Variants in TNRC6B observed in about 807,000 individuals in gnomAD.
TNRC6B encodes the protein trinucleotide repeat-containing gene 6B protein.
Under a neutral mutation model 203.6 loss-of-function variants are expected in TNRC6B, and 52 were observed. The ratio of observed to expected loss-of-function variants is 0.26; its 90% CI spans 0.20 to 0.32. The LOEUF (loss-of-function observed/expected upper bound fraction) is 0.32. Among genes scored for constraint, TNRC6B ranks in the 10% least tolerant of loss-of-function variants. TNRC6B has a pLI of 1.00. For synonymous variants in TNRC6B, 838 were observed against 845.7 expected (o/e 0.99, Z 0.16); for missense variants, 1,923 against 2,286.2 (o/e 0.84, Z 3.24).
At chr22:40,208,434 C>A (rs1188770267) in intron 1 of TNRC6B, among the ~76,000 whole-genome samples, 1 of 152,110 alleles carries the variant, frequency 6.6e-6, no homozygotes, top group Admixed American at 6.5e-5. Flanking sequence ...ATAAATACAG[C>A]GTGGTACTCT....
intron 1 of TNRC6B, among the ~76,000 whole-genome samples, chr22:40,090,089 C>T (rs2068137724): frequency 6.6e-6 from 1 of 152,164 alleles, no homozygotes; most frequent in South Asian, 2.1e-4. Context: ...CTATTGAAGG[C>T]CATCTTAGTT....
At chr22:40,105,363 C>T (rs952232840) in intron 1 of TNRC6B, among the ~76,000 whole-genome samples, 2 of 152,148 alleles carry the variant, frequency 1.3e-5, no homozygotes, top group Admixed American at 6.5e-5. Flanking sequence ...GAAACGACCA[C>T]CTCTGAGGTT....
At position 40,269,004 on chromosome 22, in the gene TNRC6B, A is replaced by G. The variant is rs112837544; in HGVS notation, c.2807-1118A>G. 5.1e-4 allele frequency among the ~76,000 whole-genome samples: 77 copies of G among 151,670 alleles called. 1 individual carries two copies. Among genetic ancestry groups the G allele is most frequent in the African/African-American group, 1.7e-3 (72 of 41,432 alleles). ...CTCTTAGAAGTTTGTGTCCCATTCA[A>G]AAATTTTACAGAGAAGGGATTGTAC... On this transcript the variant is annotated intron_variant, in intron 5 of 22. Coordinates refer to ENST00000454349, the MANE Select transcript of TNRC6B (RefSeq NM_001162501.2).
At chr22:40,120,123 C>G (rs1194462891) in intron 2 of TNRC6B, among the ~76,000 whole-genome samples, 1 of 152,108 alleles carries the variant, frequency 6.6e-6, no homozygotes, top group African/African-American at 2.4e-5. Flanking sequence ...TTTGGGAGGC[C>G]TAGGCAGGTG....
intron 3 of TNRC6B, among the ~76,000 whole-genome samples, chr22:40,260,174 T>C (rs2070355838): frequency 6.6e-6 from 1 of 151,934 alleles, no homozygotes; most frequent in South Asian, 2.1e-4. Context: ...TTTTGAAATT[T>C]CTATTTTAAA....
intron 20 of TNRC6B, 131 bp from the exon 21 acceptor site, chr22:40,315,811 C>T: frequency 2.7e-6 from 2 of 746,874 alleles, no homozygotes; most frequent in East Asian, 2.7e-5. Flanking sequence ...AAAAGAAGGT[C>T]AGAGTCCAGT....
At chr22:40,299,255 T>C (rs1399267186) in intron 12 of TNRC6B, among the ~76,000 whole-genome samples, 1 of 151,888 alleles carries the variant, frequency 6.6e-6, no homozygotes, top group Admixed American at 6.5e-5. Flanking sequence ...TTTTTTTTTT[T>C]TGAGATGGAA....
intron 4 of TNRC6B, among the ~76,000 whole-genome samples, chr22:40,163,308 A>G (rs2068886077): frequency 6.7e-6 from 1 of 149,660 alleles, no homozygotes; most frequent in Admixed American, 6.7e-5. Context: ...CAGCTTCTCA[A>G]GATCACCTGA....
At chr22:40,185,773 T>TG (rs543202752) in intron 1 of TNRC6B, among the ~76,000 whole-genome samples, 61 of 151,800 alleles carry the variant, frequency 4.0e-4, no homozygotes, top group East Asian at 7.7e-4. Context: ...GAGGACTTGG[T>TG]GGGGGGGCAC....
At chr22:40,233,031 C>A (rs1443629354) in intron 1 of TNRC6B, among the ~76,000 whole-genome samples, 1 of 151,982 alleles carries the variant, frequency 6.6e-6, no homozygotes, top group Non-Finnish European at 1.5e-5. Flanking sequence ...GCCTATAGTC[C>A]CAGCTACTCA....
At chr22:40,097,243 G>A (rs2068192786) in intron 1 of TNRC6B, among the ~76,000 whole-genome samples, 1 of 152,162 alleles carries the variant, frequency 6.6e-6, no homozygotes, top group African/African-American at 2.4e-5. Context: ...TGATGTTTAT[G>A]AAGTAGAAAA....
Position 40,301,303 on chromosome 22 carries a change from A to T in TNRC6B, c.4090A>T (p.Thr1364Ser). The change falls in exon 15 of 23, where the codon ACC (threonine) becomes TCC (serine). Residue 1364 changes from threonine (T) to serine (S), a missense_variant. By Grantham distance (58) the Thr-to-Ser change is moderately conservative. This residue lies in a region of TNRC6B where 242 missense variants were observed against 399.5 expected (regional missense o/e 0.61). Coordinates refer to ENST00000454349, the MANE Select transcript of TNRC6B (RefSeq NM_001162501.2). ...GAATGTGGGGCTCCCAGACCTTCAA[A>T]CCAAAGGGCCAATACCTGGATATGG... ...ALNVGLPDLQ[T>S]KGPIPGYGSG... is the part of the protein sequence containing the mutation. The T allele has an allele frequency of 6.2e-7, 1 of 1,606,080 alleles. No individual in the cohort carries two copies. The highest frequency in any genetic ancestry group is 8.5e-7 in the Non-Finnish European group (1 of 1,175,800).
At chr22:40,107,160 CT>C in intron 1 of TNRC6B, 1 of 553,606 alleles carries the variant, frequency 1.8e-6, no homozygotes, top group East Asian at 2.9e-5. Flanking sequence ...ATACTAGGTA[CT>C]TTTTGTATCC....
intron 4 of TNRC6B, among the ~76,000 whole-genome samples, chr22:40,165,965 T>TTG (rs1555886580): frequency 2.0e-5 from 3 of 151,912 alleles, no homozygotes; most frequent in Admixed American, 1.3e-4. Flanking sequence ...GGTGGTTTTT[T>TTG]TTGTTGTTGT....
chr22:40,221,327 T>A (rs2069705332), intron 1 of TNRC6B, among the ~76,000 whole-genome samples: 1 of 152,202 alleles, frequency 6.6e-6, no homozygotes, highest in Non-Finnish European at 1.5e-5. Flanking sequence ...GGAACAATGT[T>A]GCTACACCAG....
chr22:40,215,892 C>T (rs1393495303), intron 1 of TNRC6B, among the ~76,000 whole-genome samples: 2 of 152,238 alleles, frequency 1.3e-5, no homozygotes, highest in East Asian at 3.8e-4. Context: ...TTCATACATG[C>T]TCTGTTCTCT....
intron 15 of TNRC6B, among the ~76,000 whole-genome samples, chr22:40,304,121 T>G (rs1365472214): frequency 6.6e-6 from 1 of 152,224 alleles, no homozygotes; most frequent in Non-Finnish European, 1.5e-5. Flanking sequence ...TTCCTGATGC[T>G]AAGTATGTTG....
chr22:40,248,575 A>T (rs1490830860), intron 2 of TNRC6B, among the ~76,000 whole-genome samples: 1 of 152,218 alleles, frequency 6.6e-6, no homozygotes, highest in East Asian at 1.9e-4. Context: ...ATTGGATTCC[A>T]CAAAGAAAAA....
intron 3 of TNRC6B, among the ~76,000 whole-genome samples, chr22:40,148,286 T>C (rs889355093): frequency 6.0e-5 from 9 of 149,008 alleles, no homozygotes; most frequent in Middle Eastern, 3.2e-3. Flanking sequence ...ACAGTTTCTT[T>C]TTTTTTTTTT....
Sources: gnomAD v4.1 joint callset for allele counts (sites outside exome capture counted in the v4.1 genomes callset) on GRCh38, gnomAD v4.1.1 for gene constraint, gnomAD v4.1.1 regional missense constraint, MANE v1.5 for transcripts, NCBI Gene and HGNC (gene_info 2026-07-23, HGNC 2026-07-21) for gene names.